The following LPAR1 variants were observed in gnomAD, a reference collection of about 807,000 sequenced individuals.
LPAR1 encodes the protein LPA receptor 1.
In LPAR1, 5 loss-of-function variants were observed where a neutral mutation model predicts 23.8. The ratio of observed to expected loss-of-function variants is 0.21; its 90% CI spans 0.11 to 0.44. LPAR1 has a LOEUF of 0.44. LPAR1 is among the 20% of genes least tolerant of loss of function. The pLI is 0.99. For synonymous variants in LPAR1, 160 were observed against 164.7 expected (o/e 0.97, Z 0.22); for missense variants, 311 against 482.8 (o/e 0.64, Z 3.33).
intron 4 of LPAR1, among the ~76,000 whole-genome samples, chr9:110,952,394 C>A (rs2095597135): frequency 6.6e-6 from 1 of 151,908 alleles, no homozygotes; most frequent in Admixed American, 6.6e-5. Flanking sequence ...CCCACCTTCC[C>A]CCTCACCCTC....
chr9:110,965,817 T>C (rs944794334), intron 4 of LPAR1, among the ~76,000 whole-genome samples: 9 of 152,236 alleles, frequency 5.9e-5, no homozygotes, highest in African/African-American at 7.2e-5. Context: ...TGAAGACACA[T>C]GCACACGCAT....
chr9:110,957,847 A>T (rs1234415914), intron 4 of LPAR1, among the ~76,000 whole-genome samples: 1 of 152,152 alleles, frequency 6.6e-6, no homozygotes, highest in African/African-American at 2.4e-5. Context: ...TAAAGACTCC[A>T]CCAAAAATCT....
chr9:110,931,316 A>G (rs1345865728), intron 5 of LPAR1, among the ~76,000 whole-genome samples: 2 of 152,154 alleles, frequency 1.3e-5, no homozygotes, highest in African/African-American at 2.4e-5. Flanking sequence ...ACCATGTTAT[A>G]TTGCACTTAT....
At chr9:110,884,595 A>G (rs1374384544) in intron 5 of LPAR1, among the ~76,000 whole-genome samples, 3 of 152,234 alleles carry the variant, frequency 2.0e-5, no homozygotes, top group African/African-American at 2.4e-5. Flanking sequence ...AACCTAGGCC[A>G]TTAACCAAAT....
upstream of LPAR1, chr9:111,038,831 C>CGCCA (rs1343256362): frequency 3.1e-6 from 1 of 322,986 alleles, no homozygotes; most frequent in African/African-American, 2.3e-5. This position sits in a 1 kb window ranked among gnomAD's most constrained non-coding sequence, Gnocchi z 4.4. Context: ...GACCCGTGGC[C>CGCCA]GCCAGCTCGG....
intron 5 of LPAR1, among the ~76,000 whole-genome samples, chr9:110,909,724 ATAAAGTATT>A (rs2092088304): frequency 8.0e-6 from 1 of 124,242 alleles, no homozygotes; most frequent in African/African-American, 3.4e-5. Context: ...CATTTATTAA[ATAAAGTATT>A]TATTTATTTA....
intron 2 of LPAR1, 131 bp downstream of exon 2, chr9:111,035,991 G>A (rs1448383986): frequency 6.6e-6 from 1 of 152,140 alleles, no homozygotes; most frequent in African/African-American, 2.4e-5. Context: ...GGTCACTAAT[G>A]GAATAGATTC....
chr9:110,877,817 CCTT>C (rs1210075165), intron 5 of LPAR1, among the ~76,000 whole-genome samples: 1 of 152,180 alleles, frequency 6.6e-6, no homozygotes, highest in Non-Finnish European at 1.5e-5. Flanking sequence ...ATCTTTTTCT[CCTT>C]CTGGGCAACA....
intron 2 of LPAR1, among the ~76,000 whole-genome samples, chr9:110,974,765 A>T (rs1372058288): frequency 6.6e-6 from 1 of 152,198 alleles, no homozygotes; most frequent in Non-Finnish European, 1.5e-5. Flanking sequence ...CTGTGAAAGT[A>T]AATAAACAAC....
At position 110,940,994 on chromosome 9, in the gene LPAR1, T is replaced by C. The variant is rs115675359; in HGVS notation, c.793+427A>G. ...CTATAATGTAGCAACAATTACAGAA[T>C]AGACTAACAAAAATAACTATATATG... On this transcript the variant is annotated intron_variant, in intron 5 of 5. Coordinates refer to ENST00000683809, the MANE Select transcript of LPAR1 (RefSeq NM_001351411.2). 7.0e-3 allele frequency among the ~76,000 whole-genome samples: 1,065 copies of C among 152,308 alleles called. 14 individuals carry two copies. Among genetic ancestry groups the C allele is most frequent in the African/African-American group, 0.024 (1,012 of 41,574 alleles).
At chr9:110,964,146 T>G (rs1007353109) in intron 4 of LPAR1, among the ~76,000 whole-genome samples, 1 of 152,224 alleles carries the variant, frequency 6.6e-6, no homozygotes, top group African/African-American at 2.4e-5. Context: ...TTTTGTATTC[T>G]TCAGTTGTGA....
At chr9:110,951,162 AAC>A (rs539384891) in intron 4 of LPAR1, among the ~76,000 whole-genome samples, 100 of 152,278 alleles carry the variant, frequency 6.6e-4, no homozygotes, top group Middle Eastern at 3.4e-3. Flanking sequence ...ATTTATTTTA[AAC>A]ACAGAAATCC....
chr9:110,997,602 A>G (rs921406124), intron 2 of LPAR1, among the ~76,000 whole-genome samples: 19 of 152,186 alleles, frequency 1.2e-4, no homozygotes, highest in Admixed American at 1.2e-3. Flanking sequence ...AAACAAAACC[A>G]GACTTTTAAC....
chr9:111,022,368 T>G (rs1278364921), intron 2 of LPAR1, among the ~76,000 whole-genome samples: 2 of 152,306 alleles, frequency 1.3e-5, no homozygotes, highest in Non-Finnish European at 2.9e-5. Context: ...GAACTGGCAA[T>G]TGAATCATGG....
chr9:110,933,742 A>AGAGTCTCG (rs2094531356), intron 5 of LPAR1, among the ~76,000 whole-genome samples: 1 of 152,236 alleles, frequency 6.6e-6, no homozygotes, highest in Non-Finnish European at 1.5e-5. Context: ...TGGATGAACA[A>AGAGTCTCG]GAGTCTCGGC....
intron 2 of LPAR1, among the ~76,000 whole-genome samples, chr9:110,980,311 C>A (rs1025186317): frequency 1.3e-5 from 2 of 151,878 alleles, no homozygotes; most frequent in African/African-American, 4.8e-5. Context: ...TAAAAAAAAT[C>A]TTACAGATTA....
chr9:110,972,340 C>T, intron 3 of LPAR1, 120 bp from the exon 4 acceptor site: 1 of 519,858 alleles, frequency 1.9e-6, no homozygotes. Context: ...TAGCTTAATG[C>T]AAACAGAAAG....
At chr9:110,978,717 C>CA (rs1453283945) in intron 2 of LPAR1, among the ~76,000 whole-genome samples, 1 of 152,140 alleles carries the variant, frequency 6.6e-6, no homozygotes, top group Non-Finnish European at 1.5e-5. Context: ...GCCAGTCTTA[C>CA]ATCATCTAAG....
intron 4 of LPAR1, among the ~76,000 whole-genome samples, chr9:110,967,623 T>C (rs2096267710): frequency 6.6e-6 from 1 of 152,226 alleles, no homozygotes; most frequent in Admixed American, 6.5e-5. Context: ...CAAGTTGATG[T>C]GCCAGACAAT....
Sources: allele counts gnomAD v4.1 joint callset (sites outside exome capture counted in the v4.1 genomes callset), GRCh38; gene constraint gnomAD v4.1.1; non-coding constraint Gnocchi (gnomAD v3.1); transcripts MANE v1.5; gene names NCBI Gene and HGNC (gene_info 2026-07-23, HGNC 2026-07-21).